TRHDE: variants seen among roughly 807,000 people sequenced by gnomAD.
TRHDE encodes the protein thyrotropin releasing hormone degrading enzyme.
TRHDE carries 72 observed loss-of-function variants against 125.7 expected under a neutral mutation model. The ratio of observed to expected loss-of-function variants is 0.57; its 90% CI spans 0.47 to 0.70. The LOEUF is 0.70. Ranked by LOEUF, TRHDE falls within the 30% of genes least tolerant of loss-of-function variation. The pLI is 0.00. For synonymous variants in TRHDE, 509 were observed against 509.1 expected (o/e 1.00, Z 0.00); for missense variants, 1,110 against 1,327.1 (o/e 0.84, Z 2.54).
chr12:72,654,978 C>A (rs550365884), intron 17 of TRHDE, among the ~76,000 whole-genome samples: 1 of 152,228 alleles, frequency 6.6e-6, no homozygotes, highest in South Asian at 2.1e-4. Context: ...ATAATTTAAG[C>A]CCCTTAATAT....
chr12:72,280,112 G>T lies in TRHDE; in HGVS notation c.914+6555G>T, dbSNP rs376519426. Among the ~76,000 whole-genome samples, 9 of 152,156 alleles carry T rather than the reference G, an allele frequency of 5.9e-5. No homozygotes were observed. In the East Asian group the frequency reaches 7.7e-4, roughly 13 times the overall value. On this transcript the variant is annotated intron_variant, in intron 1 of 18. Coordinates refer to ENST00000261180, the MANE Select transcript of TRHDE (RefSeq NM_013381.3). The stretch of plus-strand genomic sequence containing the variant: ...TGTTCATTCTCTTCCTCCTATGCAG[G>T]GACTGTGGAACCAGACTGCTTGGCC...
intron 1 of TRHDE, among the ~76,000 whole-genome samples, chr12:72,091,789 C>T (rs1872347): frequency 0.99 from 150,055 of 152,306 alleles, 73,958 homozygotes; most frequent in East Asian, 1. Context: ...TTTCTTGTGA[C>T]TAGGCACATA....
intron 2 of TRHDE, among the ~76,000 whole-genome samples, chr12:72,313,065 T>G (rs942005239): frequency 6.6e-6 from 1 of 152,172 alleles, no homozygotes; most frequent in South Asian, 2.1e-4. Context: ...GGTTAGAATA[T>G]AAACATTAAA....
chr12:72,537,605 T>G (rs1018826313), intron 6 of TRHDE, among the ~76,000 whole-genome samples: 2 of 152,086 alleles, frequency 1.3e-5, no homozygotes, highest in Non-Finnish European at 2.9e-5. Context: ...TTTATAGCAG[T>G]GTGAGAACGG....
intron 15 of TRHDE, among the ~76,000 whole-genome samples, chr12:72,648,444 G>C (rs752649116): frequency 6.6e-6 from 1 of 152,100 alleles, no homozygotes; most frequent in Non-Finnish European, 1.5e-5. Context: ...TAATTGAAAA[G>C]GGAGAAGTAA....
intron 1 of TRHDE, among the ~76,000 whole-genome samples, chr12:72,096,609 C>T (rs1199961919): frequency 6.6e-6 from 1 of 152,204 alleles, no homozygotes; most frequent in Non-Finnish European, 1.5e-5. Flanking sequence ...TTTGTTCTGT[C>T]CAGTCCTCCA....
At chr12:72,353,054 G>A (rs886633437) in intron 2 of TRHDE, among the ~76,000 whole-genome samples, 1 of 151,118 alleles carries the variant, frequency 6.6e-6, no homozygotes. Flanking sequence ...TTTCCAGTTT[G>A]GAACTAGGAC....
At chr12:72,413,472 A>G (rs1873599457) in intron 3 of TRHDE, among the ~76,000 whole-genome samples, 1 of 151,552 alleles carries the variant, frequency 6.6e-6, no homozygotes, top group Non-Finnish European at 1.5e-5. Flanking sequence ...ATGTAAAATA[A>G]AATGATATTT....
At chr12:72,620,768 T>C (rs1229645939) in intron 13 of TRHDE, among the ~76,000 whole-genome samples, 1 of 152,138 alleles carries the variant, frequency 6.6e-6, no homozygotes, top group Admixed American at 6.6e-5. Context: ...TATATCTATA[T>C]ACATTTGTAC....
intron 2 of TRHDE, among the ~76,000 whole-genome samples, chr12:72,292,953 C>A (rs1880144410): frequency 6.6e-6 from 1 of 152,120 alleles, no homozygotes; most frequent in Non-Finnish European, 1.5e-5. Context: ...GAGCAGGGAA[C>A]AACTTATCTC....
At chr12:72,447,707 T>C (rs1320231916) in intron 3 of TRHDE, among the ~76,000 whole-genome samples, 1 of 152,024 alleles carries the variant, frequency 6.6e-6, no homozygotes, top group East Asian at 1.9e-4. Context: ...CCTGGCTGAA[T>C]GTTAGACATT....
At chr12:72,525,580 T>C (rs1260831691) in intron 6 of TRHDE, among the ~76,000 whole-genome samples, 1 of 149,630 alleles carries the variant, frequency 6.7e-6, no homozygotes, top group African/African-American at 2.5e-5. Context: ...TATACTAGAC[T>C]TCTCATGTTT....
chr12:72,323,906 A>G (rs1275172860), intron 2 of TRHDE, among the ~76,000 whole-genome samples: 2 of 152,072 alleles, frequency 1.3e-5, no homozygotes, highest in Admixed American at 6.6e-5. Context: ...GCAGAGAAGT[A>G]GACACAGAAT....
rs182603986 is a variant in TRHDE at position 72,192,957 on chromosome 12, A to T, written n.279+87205A>T. Among the ~76,000 whole-genome samples the T allele has an allele frequency of 3.6e-4, 55 of 152,232 alleles. No homozygotes were observed. In the East Asian group the frequency reaches 7.7e-3, roughly 21 times the overall value. Reference sequence around the variant, plus strand: ...AGTTTATCACCATCATCATCATCGTATCATTATCAAATAAGAAGCTGATAA... The same window carrying T: ...AGTTTATCACCATCATCATCATCGTTTCATTATCAAATAAGAAGCTGATAA... On this transcript the variant is annotated intron_variant and non_coding_transcript_variant, in intron 2 of 4. Transcript: ENST00000548156.
intron 3 of TRHDE, among the ~76,000 whole-genome samples, chr12:72,413,293 G>T (rs945348272): frequency 6.6e-6 from 1 of 151,818 alleles, no homozygotes; most frequent in Non-Finnish European, 1.5e-5. Flanking sequence ...AGGTGGAAGA[G>T]AACTTGAAGT....
rs1872127988 is a variant in TRHDE, at chr12:72,380,770, C to CCTTCCTTCCTTCCTTG, written c.1315+2664_1315+2665insGCTTCCTTCCTTCCTT. Among the ~76,000 whole-genome samples, 7 of 87,516 alleles carry CCTTCCTTCCTTCCTTG rather than the reference C, an allele frequency of 8.0e-5. No individual in the cohort carries two copies. In the South Asian group the frequency reaches 2.7e-3, roughly 34 times the overall value. 57.4% of individuals were successfully genotyped at this position (87,516 alleles called of 152,430 possible). The stretch of plus-strand genomic sequence containing the variant: ...TCCTTCCTTCCTTCCTTCCTTGCTT[C>CCTTCCTTCCTTCCTTG]CTTCCTTCCTTCCTTCCTTCCTTCC... On this transcript the variant is annotated intron_variant, in intron 3 of 18. Coordinates refer to ENST00000261180, the MANE Select transcript of TRHDE (RefSeq NM_013381.3).
intron 12 of TRHDE, among the ~76,000 whole-genome samples, chr12:72,601,433 C>G (rs1309411163): frequency 7.2e-5 from 11 of 152,062 alleles, no homozygotes; most frequent in Admixed American, 7.2e-4. Flanking sequence ...AGGATTAAAA[C>G]ATTATATAAA....
chr12:72,193,976 G>T (rs1391047788), intron 2 of TRHDE, among the ~76,000 whole-genome samples: 1 of 151,990 alleles, frequency 6.6e-6, no homozygotes, highest in Non-Finnish European at 1.5e-5. Context: ...GGAAGTATGA[G>T]GGAGATAAGA....
chr12:72,612,338 C>G (rs1399995620), intron 12 of TRHDE, among the ~76,000 whole-genome samples: 3 of 152,146 alleles, frequency 2.0e-5, no homozygotes, highest in Non-Finnish European at 4.4e-5. Flanking sequence ...TCTGGGATCA[C>G]ATTATGTATG....
Sources: gnomAD v4.1 joint callset for allele counts (sites outside exome capture counted in the v4.1 genomes callset) on GRCh38, gnomAD v4.1.1 for gene constraint, MANE v1.5 for transcripts, NCBI Gene and HGNC (gene_info 2026-07-23, HGNC 2026-07-21) for gene names.